SORBS2: variants seen among roughly 807,000 people sequenced by gnomAD.
SORBS2 encodes sorbin and SH3 domain-containing protein 2.
SORBS2 carries 46 observed loss-of-function variants against 97.7 expected under a neutral mutation model. The ratio of observed to expected loss-of-function variants is 0.47; its 90% CI spans 0.37 to 0.60. The LOEUF is 0.60. SORBS2 is among the 20% of genes least tolerant of loss of function. The pLI is 0.00. For synonymous variants in SORBS2, 476 were observed against 473.4 expected (o/e 1.01, Z -0.07); for missense variants, 1,316 against 1,282.3 (o/e 1.03, Z -0.40).
intron 2 of SORBS2, among the ~76,000 whole-genome samples, chr4:185,708,811 G>A (rs757313839): frequency 4.6e-5 from 7 of 152,192 alleles, no homozygotes; most frequent in Non-Finnish European, 1.0e-4. Context: ...GAAACGTGGA[G>A]CGCCTTTCCA....
chr4:185,834,223 C>A (rs1245167385), intron 1 of SORBS2, among the ~76,000 whole-genome samples: 1 of 152,088 alleles, frequency 6.6e-6, no homozygotes, highest in African/African-American at 2.4e-5. Context: ...TTCAGACAAC[C>A]TACACTCATG....
chr4:185,644,103 A>T (rs1311864026), intron 4 of SORBS2, among the ~76,000 whole-genome samples: 4 of 152,186 alleles, frequency 2.6e-5, no homozygotes, highest in Admixed American at 2.6e-4. Flanking sequence ...GCTGGCCAAC[A>T]TGTCCCATAT....
intron 1 of SORBS2, among the ~76,000 whole-genome samples, chr4:185,844,582 A>C (rs775561040): frequency 2.0e-5 from 3 of 152,204 alleles, no homozygotes; most frequent in Non-Finnish European, 2.9e-5. Context: ...TAAACACAGA[A>C]TTGTCATATG....
At chr4:185,854,126 C>G (rs1157174324) in intron 1 of SORBS2, among the ~76,000 whole-genome samples, 2 of 152,084 alleles carry the variant, frequency 1.3e-5, no homozygotes, top group Non-Finnish European at 2.9e-5. Flanking sequence ...AGGAAGTCAG[C>G]CCAGAGGAAG....
intron 4 of SORBS2, among the ~76,000 whole-genome samples, chr4:185,635,972 C>T (rs1350679321): frequency 6.6e-6 from 1 of 152,122 alleles, no homozygotes; most frequent in African/African-American, 2.4e-5. Context: ...GATTCTCCCA[C>T]CTCAGCCCCC....
chr4:185,618,532 T>A, intron 9 of SORBS2, 53 bp downstream of exon 21: 5 of 1,016,016 alleles, frequency 4.9e-6, no homozygotes, highest in Non-Finnish European at 7.2e-6. Flanking sequence ...CTTAAAGCAT[T>A]ACTAACATTT....
chr4:185,848,618 CTTTTTTTTTTTTTTTTTT>C (rs537195530), intron 1 of SORBS2, among the ~76,000 whole-genome samples: 39,142 of 75,394 alleles, frequency 0.52, 10,007 homozygotes, highest in East Asian at 0.74. Context: ...AAGGATATCT[CTTTTTTTTTTTTTTTTTT>C]TTTTTTTTTT....
At chr4:185,703,331 A>C (rs1021924941) in intron 2 of SORBS2, among the ~76,000 whole-genome samples, 1 of 152,208 alleles carries the variant, frequency 6.6e-6, no homozygotes, top group African/African-American at 2.4e-5. Flanking sequence ...GGAGGTAACA[A>C]GAATCATTGA....
chr4:185,637,023 A>G (rs1242751426), intron 4 of SORBS2, among the ~76,000 whole-genome samples: 1 of 152,204 alleles, frequency 6.6e-6, no homozygotes, highest in African/African-American at 2.4e-5. Flanking sequence ...GAGTCTGGGG[A>G]TTAGAGAAGC....
chr4:185,779,051 C>G (rs1274205549), intron 1 of SORBS2, among the ~76,000 whole-genome samples: 1 of 152,178 alleles, frequency 6.6e-6, no homozygotes, highest in African/African-American at 2.4e-5. Context: ...AAAATAAAAT[C>G]CTCACTGTAA....
At chr4:185,622,844 G>A (rs1164034629) in intron 7 of SORBS2, 70 bp downstream of exon 19, 2 of 1,452,838 alleles carry the variant, frequency 1.4e-6, no homozygotes, top group Admixed American at 2.2e-5. Context: ...TGAGATGTTG[G>A]AATGGAAAAT....
At chr4:185,730,310 CTTTTTTTTTTT>C (rs67749971) in intron 2 of SORBS2, among the ~76,000 whole-genome samples, 2 of 125,286 alleles carry the variant, frequency 1.6e-5, no homozygotes, top group Admixed American at 8.0e-5. Flanking sequence ...AATATACTTT[CTTTTTTTTTTT>C]TTTTTTTGGA....
In SORBS2 at chr4:185,690,615, T is replaced by A. The variant is rs547628939; in HGVS notation, c.-197-11793A>T. On this transcript the variant is annotated intron_variant, in intron 2 of 20. Coordinates refer to the SORBS2 transcript ENST00000284776. ...GTTATTAAAGTCTTCAGTTTTCCTG[T>A]AGGAAAAAAATGGTGCATAATTGTT... 1.4e-6 allele frequency: 2 copies of A among 1,405,840 alleles called. No homozygotes were observed. Among genetic ancestry groups the A allele is most frequent in the African/African-American group, 1.4e-5 (1 of 70,018 alleles). The allele number at this position is 1,405,840 out of a possible 1,614,324, so 87.1% of individuals were successfully genotyped here. A position where few individuals can be genotyped will look rare whatever the true frequency, so the allele number is the denominator to read the frequency against.
At chr4:185,603,985 G>T (rs563474935) in intron 12 of SORBS2, among the ~76,000 whole-genome samples, 4 of 152,116 alleles carry the variant, frequency 2.6e-5, no homozygotes, top group African/African-American at 7.2e-5. Flanking sequence ...CCTGCCGATC[G>T]GTGGGAAATG....
intron 2 of SORBS2, among the ~76,000 whole-genome samples, chr4:185,689,111 G>T (rs550357305): frequency 6.6e-6 from 1 of 152,258 alleles, no homozygotes; most frequent in East Asian, 1.9e-4. Flanking sequence ...GAATAGGAAG[G>T]TTAATTATTG....
intron 3 of SORBS2, among the ~76,000 whole-genome samples, chr4:185,648,347 C>G (rs893883612): frequency 6.6e-6 from 1 of 152,070 alleles, no homozygotes; most frequent in African/African-American, 2.4e-5. Flanking sequence ...AAACACCATA[C>G]AAAAATTAGC....
At chr4:185,753,096 T>C (rs2098811222) in intron 2 of SORBS2, among the ~76,000 whole-genome samples, 1 of 152,238 alleles carries the variant, frequency 6.6e-6, no homozygotes, top group Non-Finnish European at 1.5e-5. Flanking sequence ...TACAGCACGT[T>C]AGCCATAAAC....
At chr4:185,922,081 T>C (rs527963504) in intron 1 of SORBS2, among the ~76,000 whole-genome samples, 1 of 152,224 alleles carries the variant, frequency 6.6e-6, no homozygotes, top group Non-Finnish European at 1.5e-5. Context: ...CCCTGATTTA[T>C]TTACACTTGC....
chr4:185,647,533 C>A (rs1440469551), intron 3 of SORBS2, among the ~76,000 whole-genome samples: 1 of 151,616 alleles, frequency 6.6e-6, no homozygotes, highest in Non-Finnish European at 1.5e-5. Flanking sequence ...CCTCTCTCCT[C>A]AGCCTCCCAG....
Sources: gnomAD v4.1 joint callset for allele counts (sites outside exome capture counted in the v4.1 genomes callset) on GRCh38, gnomAD v4.1.1 for gene constraint, MANE v1.5 for transcripts, NCBI Gene and HGNC (gene_info 2026-07-23, HGNC 2026-07-21) for gene names.